Variants in SPEN observed in about 807,000 individuals in gnomAD.
The protein encoded by SPEN is spen family transcriptional repressor, also known as msx2-interacting protein.
In SPEN, 18 loss-of-function variants were observed where a neutral mutation model predicts 269.9. The ratio of observed to expected loss-of-function variants is 0.07; its 90% CI spans 0.05 to 0.10. The LOEUF is 0.10. SPEN is among the 10% of genes least tolerant of loss of function. The pLI is 1.00. For synonymous variants in SPEN, 1,726 were observed against 1,765.7 expected, an observed-to-expected ratio of 0.98 and a Z score of 0.56; for missense variants, 3,822 against 4,631.2, an observed-to-expected ratio of 0.83 and a Z score of 5.07.
At chr1:15,865,623 C>T (rs1050777593) in intron 1 of SPEN, among the ~76,000 whole-genome samples, 7 of 151,572 alleles carry the variant, frequency 4.6e-5, no homozygotes, top group Admixed American at 2.0e-4. Context: ...GGGGTTTCAC[C>T]GTATTGCCCC....
At chr1:15,906,453 CTTTTTTTTTTT>C (rs200731520) in intron 3 of SPEN, among the ~76,000 whole-genome samples, 6 of 92,586 alleles carry the variant, frequency 6.5e-5, no homozygotes, top group African/African-American at 1.0e-4. Flanking sequence ...TCTTTCTTTC[CTTTTTTTTTTT>C]TTTTTTTTTT....
rs555368410 is a variant in SPEN at position 15,903,512 on chromosome 1, T to C, written c.882-5809T>C. Among the ~76,000 whole-genome samples, 127 of 152,268 alleles carry C rather than the reference T, an allele frequency of 8.3e-4. 1 individual carries two copies. Among genetic ancestry groups the C allele is most frequent in the African/African-American group, 2.9e-3 (122 of 41,576 alleles). ...AGATAATCCTCCCACCTTAGACTCC[T>C]AGGGAGCTGGGACCACAGGCGCATG... On this transcript the variant is annotated intron_variant, in intron 3 of 14. Transcript: ENST00000375759.
intron 1 of SPEN, among the ~76,000 whole-genome samples, chr1:15,872,599 CA>C (rs78554897): frequency 6.5e-3 from 598 of 92,544 alleles, no homozygotes; most frequent in African/African-American, 0.022. Context: ...GACTCCATCT[CA>C]AAAAAAAAAA....
rs572460421 is a variant in SPEN, at chr1:15,848,283, C to G, written c.83+133C>G. The G allele has an allele frequency of 1.2e-3, 587 of 472,752 alleles. 3 individuals are homozygous for G. Among genetic ancestry groups the G allele is most frequent in the African/African-American group, 0.011 (516 of 48,478 alleles). 29.3% of individuals were successfully genotyped at this position (472,752 alleles called of 1,614,324 possible). A position where few individuals can be genotyped will look rare whatever the true frequency, so the allele number is the denominator to read the frequency against. ...CCCGGACCCACGGGCGCTGTGGGAC[C>G]TCGTCAGCCGCTCGGCCCGCGTCGC... is the stretch of plus-strand genomic sequence containing the variant. On this transcript the variant is annotated intron_variant, in intron 1 of 14. Coordinates refer to ENST00000375759, the MANE Select transcript of SPEN (RefSeq NM_015001.3). This position sits in a 1 kb window ranked among gnomAD's most constrained non-coding sequence, Gnocchi z 5.1.
chr1:15,872,647 A>G (rs1335888155), intron 1 of SPEN, among the ~76,000 whole-genome samples, 169 bp from the exon 2 acceptor site: 1 of 152,088 alleles, frequency 6.6e-6, no homozygotes, highest in Non-Finnish European at 1.5e-5. Flanking sequence ...TGCGATACAG[A>G]TATTTTCCCC....
At chr1:15,917,076 C>T (rs2235743) in intron 6 of SPEN, among the ~76,000 whole-genome samples, 16,130 of 152,120 alleles carry the variant, frequency 0.11, 1,225 homozygotes, top group Admixed American at 0.23. Context: ...TGCGGTGAGC[C>T]GAGATCACGC....
intron 3 of SPEN, among the ~76,000 whole-genome samples, chr1:15,907,298 A>G (rs935751640): frequency 1.3e-5 from 2 of 152,092 alleles, no homozygotes; most frequent in Non-Finnish European, 2.9e-5. Flanking sequence ...CCTGGGCAAC[A>G]TGGTGAAACC....
At chr1:15,911,399 A>AT in intron 5 of SPEN, 98 bp downstream of exon 5, 1 of 903,994 alleles carries the variant, frequency 1.1e-6, no homozygotes. Context: ...TGAGGACACT[A>AT]TTCTGGCTTT....
chr1:15,939,202 T>G lies in SPEN; in HGVS notation c.10864-94T>G. On this transcript the variant is annotated intron_variant, in intron 14 of 14. Transcript: ENST00000375759. The surrounding 1 kb of genome is among the most constrained non-coding windows in gnomAD (Gnocchi z 4.1). The stretch of plus-strand genomic sequence containing the variant: ...TGGTTGGGGACTGATTTGGCCTGGC[T>G]CTTAGCATTGGGCCTCTTCAGGGCT... The G allele has an allele frequency of 6.8e-7, 1 of 1,465,456 alleles. No individual in the cohort carries two copies. The highest frequency in any genetic ancestry group is 9.1e-7 in the Non-Finnish European group (1 of 1,101,396). 90.8% of individuals were successfully genotyped at this position (1,465,456 alleles called of 1,614,324 possible). A position where few individuals can be genotyped will look rare whatever the true frequency, so the allele number is the denominator to read the frequency against.
rs1336942704 is a variant in SPEN at position 15,911,258 on chromosome 1, T to G, written c.1200T>G (p.Leu400=). The G allele has an allele frequency of 6.2e-7, 1 of 1,613,940 alleles. No homozygotes were observed. The highest frequency in any genetic ancestry group is 1.3e-5 in the African/African-American group (1 of 74,898). Residue 400 remains leucine, a synonymous_variant, in exon 5 of 15, where the codon CTT becomes CTG. Transcript: ENST00000375759. ...EKALTASKGK[L]FFGMQIEVTA... ...CCTTGACTGCATCAAAAGGAAAACT[T>G]TTCTTTGGCATGCAGATTGAAGTAA...
intron 5 of SPEN, among the ~76,000 whole-genome samples, chr1:15,911,637 G>A (rs2071012831): frequency 6.6e-6 from 1 of 152,208 alleles, no homozygotes; most frequent in Admixed American, 6.5e-5. Context: ...TCCTAGGAGT[G>A]TGACAACAGA....
chr1:15,883,782 T>C (rs796865679), intron 3 of SPEN, among the ~76,000 whole-genome samples: 4 of 151,614 alleles, frequency 2.6e-5, no homozygotes, highest in African/African-American at 9.7e-5. Context: ...TTACTTTTTT[T>C]CCTAATGTTA....
chr1:15,899,910 A>G (rs900676365), intron 3 of SPEN, among the ~76,000 whole-genome samples: 3 of 152,134 alleles, frequency 2.0e-5, no homozygotes, highest in African/African-American at 4.8e-5. Flanking sequence ...TAATGGCGCT[A>G]TCTCGGCTCA....
At chr1:15,887,555 A>G (rs2070748631) in intron 3 of SPEN, among the ~76,000 whole-genome samples, 1 of 151,194 alleles carries the variant, frequency 6.6e-6, no homozygotes, top group Non-Finnish European at 1.5e-5. Flanking sequence ...TCAGCCTCCC[A>G]AAGTGCTGGG....
Position 15,935,202 on chromosome 1 carries a change from C to T in SPEN, c.8962C>T (p.Pro2988Ser). 1 of 1,614,154 alleles carries T rather than the reference C, an allele frequency of 6.2e-7. No homozygotes were observed. Among genetic ancestry groups the T allele is most frequent in the Non-Finnish European group, 8.5e-7 (1 of 1,180,008 alleles). ...GTCCACGCTCACGCCCCACCACCCT[C>T]CTGCTCTGCCCAGCAAACTGCCTAC... ...LGSTLTPHHP[P>S]ALPSKLPTEV... Residue 2988 changes from proline (P) to serine (S), a missense_variant, in exon 11 of 15, where the codon CCT becomes TCT. Transcript: ENST00000375759. This position sits in a 1 kb window ranked among gnomAD's most constrained non-coding sequence, Gnocchi z 7.7.
chr1:15,868,601 A>AT (rs1266018706), intron 1 of SPEN, among the ~76,000 whole-genome samples: 7 of 151,614 alleles, frequency 4.6e-5, no homozygotes, highest in Admixed American at 1.3e-4. Flanking sequence ...TGCCCAGCTA[A>AT]TTTTTTGTAT....
At position 15,935,319 on chromosome 1, in the gene SPEN, C is replaced by A. The variant is rs41269151; in HGVS notation, c.9079C>A (p.Arg3027=). Residue 3027 remains arginine (R), a synonymous_variant, in exon 11 of 15, where the codon CGA becomes AGA. Coordinates refer to ENST00000375759, the MANE Select transcript of SPEN (RefSeq NM_015001.3). This position sits in a 1 kb window ranked among gnomAD's most constrained non-coding sequence, Gnocchi z 7.7. ...TGCAAAGCTAGATGCTCATTCTCCT[C>A]GACCAAGTGGACCCGGGCCATCCTC... ...AAAKLDAHSP[R]PSGPGPSSFP... 30,653 of 1,614,092 alleles carry A rather than the reference C, an allele frequency of 0.019. 365 individuals are homozygous for A. Among genetic ancestry groups the A allele is most frequent in the South Asian group, 0.026 (2,398 of 91,076 alleles).
chr1:15,933,536 C>G lies in SPEN; in HGVS notation c.7296C>G (p.Pro2432=), dbSNP rs1486366667. ...AAGCATCTGTGCCCCCAGACCTTCC[C>G]CCACCTCCCCAGCCAGCACCGGTGG... ...PTKASVPPDL[P]PPPQPAPVDE... is the part of the protein sequence containing the mutation. The change falls in exon 11 of 15, where the codon CCC becomes CCG. Residue 2432 remains proline, a synonymous_variant. Transcript: ENST00000375759. The surrounding 1 kb of genome is among the most constrained non-coding windows in gnomAD (Gnocchi z 5.7). 11 of 1,613,870 alleles carry G rather than the reference C, an allele frequency of 6.8e-6. No homozygotes were observed. The highest frequency in any genetic ancestry group is 9.3e-6 in the Non-Finnish European group (11 of 1,179,974).
At chr1:15,906,490 G>A (rs1316888868) in intron 3 of SPEN, among the ~76,000 whole-genome samples, 2 of 113,914 alleles carry the variant, frequency 1.8e-5, no homozygotes, top group South Asian at 2.7e-4. Flanking sequence ...AGACAGTCTC[G>A]CTCTGTTGTC....
Sources: gnomAD v4.1 joint callset for allele counts (sites outside exome capture counted in the v4.1 genomes callset) on GRCh38, gnomAD v4.1.1 for gene constraint, Gnocchi (gnomAD v3.1) non-coding constraint, MANE v1.5 for transcripts, NCBI Gene and HGNC (gene_info 2026-07-23, HGNC 2026-07-21) for gene names.